AUTS2: variants seen among roughly 807,000 people sequenced by gnomAD.
AUTS2 encodes autism susceptibility gene 2 protein.
In AUTS2, 17 loss-of-function variants were observed where a neutral mutation model predicts 112.4. The observed-to-expected ratio is 0.15, with a 90% CI of 0.10 to 0.23. AUTS2 has a LOEUF of 0.23. Ranked by LOEUF, AUTS2 falls within the 10% of genes least tolerant of loss-of-function variation. The pLI, the probability that AUTS2 is intolerant of heterozygous loss-of-function variation, is 1.00. For missense variants in AUTS2, 1,510 were observed against 1,701.6 expected (o/e 0.89, Z 1.98); for synonymous variants, 751 against 702.7 (o/e 1.07, Z -1.09).
intron 2 of AUTS2, among the ~76,000 whole-genome samples, chr7:70,009,884 C>CT (rs923311070): frequency 2.0e-5 from 3 of 152,086 alleles, no homozygotes; most frequent in Non-Finnish European, 4.4e-5. Context: ...TCCATCCTTT[C>CT]TTTTTTTAAA....
At chr7:70,246,606 G>C (rs1237327995) in intron 4 of AUTS2, among the ~76,000 whole-genome samples, 1 of 151,812 alleles carries the variant, frequency 6.6e-6, no homozygotes, top group African/African-American at 2.4e-5. Context: ...TTTAATTATT[G>C]CTTGATATTT....
intron 1 of AUTS2, among the ~76,000 whole-genome samples, chr7:69,808,422 G>A (rs1790403730): frequency 6.6e-6 from 1 of 152,142 alleles, no homozygotes; most frequent in South Asian, 2.1e-4. Context: ...TGCTATCATG[G>A]CACTATACTA....
chr7:70,515,122 A>G (rs896898375), intron 5 of AUTS2, among the ~76,000 whole-genome samples: 13 of 152,202 alleles, frequency 8.5e-5, no homozygotes, highest in Non-Finnish European at 1.8e-4. Context: ...GCTATAGCAT[A>G]TAGAGTCATG....
At chr7:70,293,094 C>T (rs12698890) in intron 4 of AUTS2, 1 of 152,086 alleles carries the variant, frequency 6.6e-6, no homozygotes, top group Non-Finnish European at 1.5e-5. Context: ...GTCCCTTCCC[C>T]GTACTTACAC....
At chr7:70,362,456 T>C (rs1379799896) in intron 4 of AUTS2, among the ~76,000 whole-genome samples, 1 of 152,146 alleles carries the variant, frequency 6.6e-6, no homozygotes, top group Non-Finnish European at 1.5e-5. Flanking sequence ...AATACTGTAG[T>C]GGGATCTGGT....
intron 4 of AUTS2, among the ~76,000 whole-genome samples, chr7:70,212,914 C>G (rs910244846): frequency 6.6e-6 from 1 of 151,976 alleles, no homozygotes; most frequent in Admixed American, 6.5e-5. Context: ...TACATAGATA[C>G]ATACAGTCAG....
chr7:69,877,184 A>G (rs563915778), intron 1 of AUTS2, among the ~76,000 whole-genome samples: 2 of 152,282 alleles, frequency 1.3e-5, no homozygotes, highest in Admixed American at 1.3e-4. Context: ...TATAATGTCT[A>G]GTTACTCTGT....
chr7:69,756,709 A>G (rs750237190), intron 1 of AUTS2, among the ~76,000 whole-genome samples: 1 of 152,082 alleles, frequency 6.6e-6, no homozygotes, highest in African/African-American at 2.4e-5. Context: ...AGTAACTACC[A>G]GTTTTTATCA....
intron 4 of AUTS2, among the ~76,000 whole-genome samples, chr7:70,197,605 C>T (rs1235303759): frequency 1.3e-5 from 1 of 79,644 alleles, no homozygotes; most frequent in East Asian, 3.4e-4. Context: ...AATCGGGTCA[C>T]TCCCACCCGA....
At chr7:69,963,946 A>G (rs534518944) in intron 2 of AUTS2, among the ~76,000 whole-genome samples, 4 of 152,222 alleles carry the variant, frequency 2.6e-5, no homozygotes, top group Non-Finnish European at 5.9e-5. Context: ...AAGAACAAAA[A>G]CCAATAACGT....
intron 1 of AUTS2, among the ~76,000 whole-genome samples, chr7:69,658,814 A>G (rs1795663153): frequency 6.6e-6 from 1 of 152,226 alleles, no homozygotes. Flanking sequence ...AAAAAATAAT[A>G]AATATGTGGT....
chr7:69,637,049 G>T lies in AUTS2; in HGVS notation c.309+37087G>T, dbSNP rs573435471. Among the ~76,000 whole-genome samples, 277 of 152,334 alleles carry T rather than the reference G, an allele frequency of 1.8e-3. 2 individuals are homozygous for T. Among genetic ancestry groups the T allele is most frequent in the African/African-American group, 6.5e-3 (270 of 41,576 alleles). Reference sequence around the variant, plus strand: ...CAAAGTGCTGGGATTACAGGTGTGAGCCACCGCGCCCGGCCTGTCCTATAA... The same window carrying T: ...CAAAGTGCTGGGATTACAGGTGTGATCCACCGCGCCCGGCCTGTCCTATAA... On this transcript the variant is annotated intron_variant, in intron 1 of 18. Transcript: ENST00000342771.
intron 4 of AUTS2, among the ~76,000 whole-genome samples, chr7:70,276,452 C>T (rs563291135): frequency 2.6e-4 from 39 of 149,928 alleles, no homozygotes; most frequent in African/African-American, 3.7e-4. Context: ...GATTTCGGCT[C>T]ACTGCAACCT....
At chr7:69,696,200 T>TAGC (rs1312036539) in intron 1 of AUTS2, among the ~76,000 whole-genome samples, 1 of 152,190 alleles carries the variant, frequency 6.6e-6, no homozygotes, top group Non-Finnish European at 1.5e-5. Flanking sequence ...GGTGCACCTC[T>TAGC]AGCAGCTGCA....
chr7:69,810,701 A>G (rs902272762), intron 1 of AUTS2, among the ~76,000 whole-genome samples: 4 of 152,154 alleles, frequency 2.6e-5, no homozygotes, highest in African/African-American at 9.7e-5. Context: ...ATGACTAAAA[A>G]TGTCATTCGT....
At position 70,347,122 on chromosome 7, in the gene AUTS2, A is replaced by G. The variant is rs574245105; in HGVS notation, c.661-88630A>G. Among the ~76,000 whole-genome samples, 3 of 152,236 alleles carry G rather than the reference A, an allele frequency of 2.0e-5. No individual in the cohort carries two copies. The East Asian group carries it at 5.8e-4, about 29-fold the overall frequency. On this transcript the variant is annotated intron_variant, in intron 4 of 18. Transcript: ENST00000342771. ...AGGATATTGCGGTGTGCCTCCGTTT[A>G]CACTGTCTCTTCTTCCTGGATGCTT...
intron 1 of AUTS2, among the ~76,000 whole-genome samples, chr7:69,656,344 G>T (rs75606461): frequency 0.014 from 2,147 of 152,324 alleles, 51 homozygotes; most frequent in African/African-American, 0.049. Context: ...CAGAGGCTCA[G>T]GTTCCTGATG....
At chr7:70,361,587 G>C (rs1328454120) in intron 4 of AUTS2, among the ~76,000 whole-genome samples, 1 of 152,070 alleles carries the variant, frequency 6.6e-6, no homozygotes. Flanking sequence ...ACGCTTCCTA[G>C]AAGAATCTGC....
At chr7:70,088,788 AT>A (rs1375405513) in intron 2 of AUTS2, among the ~76,000 whole-genome samples, 2 of 151,590 alleles carry the variant, frequency 1.3e-5, no homozygotes, top group Non-Finnish European at 2.9e-5. Flanking sequence ...AATTTTTTGT[AT>A]TTTTAGTAGA....
Sources: allele counts gnomAD v4.1 joint callset (sites outside exome capture counted in the v4.1 genomes callset), GRCh38; gene constraint gnomAD v4.1.1; transcripts MANE v1.5; gene names NCBI Gene and HGNC (gene_info 2026-07-23, HGNC 2026-07-21).